Variants in EEA1 observed in about 807,000 individuals in gnomAD.
The protein encoded by EEA1 is early endosome antigen 1.
In EEA1, 111 loss-of-function variants were observed where a neutral mutation model predicts 209.2. The ratio of observed to expected loss-of-function variants is 0.53; its 90% confidence interval spans 0.45 to 0.62. The LOEUF (loss-of-function observed/expected upper bound fraction) is 0.62, where lower values mean the gene tolerates loss of function less well. Among genes scored for constraint, EEA1 ranks in the 20% least tolerant of loss-of-function variants. The pLI is 0.00. For synonymous variants in EEA1, 536 were observed against 540.6 expected (o/e 0.99, Z 0.12); for missense variants, 1,343 against 1,530.8 (o/e 0.88, Z 2.05).
intron 2 of EEA1, among the ~76,000 whole-genome samples, chr12:92,865,794 G>T (rs985294846): frequency 2.6e-5 from 4 of 151,276 alleles, no homozygotes; most frequent in African/African-American, 4.9e-5. Flanking sequence ...CACCCAGGCT[G>T]AAGTGCAATG....
intron 15 of EEA1, among the ~76,000 whole-genome samples, chr12:92,814,695 C>A (rs1875693417): frequency 6.6e-6 from 1 of 152,120 alleles, no homozygotes; most frequent in Non-Finnish European, 1.5e-5. Flanking sequence ...TACAAGGCTA[C>A]AATTGTTGCA....
intron 23 of EEA1, among the ~76,000 whole-genome samples, 176 bp downstream of exon 23, chr12:92,781,774 G>A (rs886269907): frequency 7.9e-5 from 12 of 152,136 alleles, no homozygotes; most frequent in African/African-American, 2.9e-4. Flanking sequence ...AGGCCATTAA[G>A]AAGTACTTCC....
chr12:92,887,582 A>C (rs1879466695), intron 2 of EEA1, among the ~76,000 whole-genome samples: 1 of 152,154 alleles, frequency 6.6e-6, no homozygotes, highest in African/African-American at 2.4e-5. Flanking sequence ...GCTTGAGCCC[A>C]GGAGTTTGAG....
chr12:92,782,311 A>C (rs956337071), intron 22 of EEA1, among the ~76,000 whole-genome samples, 176 bp from the exon 23 acceptor site: 2 of 152,222 alleles, frequency 1.3e-5, no homozygotes, highest in Non-Finnish European at 2.9e-5. Context: ...TCTTGCTTAT[A>C]GAAAACATTT....
intron 1 of EEA1, among the ~76,000 whole-genome samples, chr12:92,896,484 T>C (rs371406157): frequency 6.6e-5 from 10 of 152,302 alleles, no homozygotes; most frequent in African/African-American, 2.4e-4. Context: ...TGAAGGAAGT[T>C]CTACTGTGGG....
intron 9 of EEA1, among the ~76,000 whole-genome samples, chr12:92,849,020 C>A (rs931318313): frequency 6.6e-6 from 1 of 151,980 alleles, no homozygotes; most frequent in African/African-American, 2.4e-5. Context: ...CCATACTCAG[C>A]CTGTATTTTT....
chr12:92,855,377 C>A (rs1379399912), intron 5 of EEA1, among the ~76,000 whole-genome samples: 1 of 151,572 alleles, frequency 6.6e-6, no homozygotes, highest in Non-Finnish European at 1.5e-5. Context: ...TTGCAGTGAG[C>A]CGAGATCGCG....
At chr12:92,824,674 C>T (rs951347979) in intron 13 of EEA1, among the ~76,000 whole-genome samples, 1 of 152,192 alleles carries the variant, frequency 6.6e-6, no homozygotes, top group Non-Finnish European at 1.5e-5. Context: ...TTCAAAGAGG[C>T]CTAACACTGC....
At chr12:92,877,922 T>A (rs1376764217) in intron 2 of EEA1, among the ~76,000 whole-genome samples, 8 of 152,238 alleles carry the variant, frequency 5.3e-5, no homozygotes. Flanking sequence ...TTTTTTCTTT[T>A]CTTGCTGGGA....
rs533660952 is a variant in EEA1 at position 92,813,883 on chromosome 12, T to A, written c.1930-790A>T. On this transcript the variant is annotated intron_variant, in intron 15 of 28. Coordinates refer to ENST00000322349, the MANE Select transcript of EEA1 (RefSeq NM_003566.4). ...CAAAAATTAGCTGGGCATGGTGGCA[T>A]GCACCTGTAGTCACAGCTACTCAGG... Among the ~76,000 whole-genome samples, 14 of 152,070 alleles carry A rather than the reference T, an allele frequency of 9.2e-5. No individual in the cohort carries two copies. In the South Asian group the frequency reaches 1.7e-3, roughly 18 times the overall value.
intron 9 of EEA1, among the ~76,000 whole-genome samples, chr12:92,842,989 C>T (rs2136702154): frequency 6.6e-6 from 1 of 152,232 alleles, no homozygotes; most frequent in South Asian, 2.1e-4. Context: ...CATGTATATA[C>T]AAACATGCAA....
At chr12:92,848,925 A>G (rs1015258185) in intron 9 of EEA1, among the ~76,000 whole-genome samples, 1 of 151,920 alleles carries the variant, frequency 6.6e-6, no homozygotes. Context: ...GGATTTCACC[A>G]TGTTGCCCAG....
chr12:92,832,730 A>G lies in EEA1; in HGVS notation c.1036T>C (p.Cys346Arg), dbSNP rs750684166. ...QATLHQKDLD[C>R]QQLQSRLSAS... is the part of the protein sequence containing the mutation. Reference sequence around the variant, plus strand: ...GACAATCTTGACTGAAGCTGTTGACAATCTAGGTCTTTTTGATGAAGGGTT... The same window carrying G: ...GACAATCTTGACTGAAGCTGTTGACGATCTAGGTCTTTTTGATGAAGGGTT... The change falls in exon 11 of 29, where the codon TGT becomes CGT. Residue 346 changes from cysteine (C) to arginine (R), a missense_variant. Around this residue, in one of 3 missense-constraint regions of EEA1, gnomAD observed 1,307 missense variants for 1,465.5 expected, o/e 0.89. Transcript: ENST00000322349. 2 of 1,614,020 alleles carry G rather than the reference A, an allele frequency of 1.2e-6. No homozygotes were observed. The highest frequency in any genetic ancestry group is 2.2e-5 in the South Asian group (2 of 91,080).
chr12:92,782,050 T>C lies in EEA1; in HGVS notation c.3236A>G (p.Glu1079Gly). 1 of 1,613,058 alleles carries C rather than the reference T, an allele frequency of 6.2e-7. No individual in the cohort carries two copies. Among genetic ancestry groups the C allele is most frequent in the Non-Finnish European group, 8.5e-7 (1 of 1,179,324 alleles). Reference sequence around the variant, plus strand: ...CAATGTAGCCTTGGCAGTCTTCAGTTCTTGAATCAATTTATTTTGATTTCC... The same window carrying C: ...CAATGTAGCCTTGGCAGTCTTCAGTCCTTGAATCAATTTATTTTGATTTCC... Reference protein sequence around the residue: ...QIGNQNKLIQELKTAKATLEQ... With the variant: ...QIGNQNKLIQGLKTAKATLEQ... Residue 1079 changes from glutamate (E) to glycine (G), a missense_variant, in exon 23 of 29, where the codon GAA becomes GGA. Glu to Gly is a moderately conservative substitution (Grantham distance 98). Around this residue, in one of 3 missense-constraint regions of EEA1, gnomAD observed 1,307 missense variants for 1,465.5 expected, o/e 0.89. Coordinates refer to ENST00000322349, the MANE Select transcript of EEA1 (RefSeq NM_003566.4).
At chr12:92,828,619 CAT>C (rs111405083) in intron 11 of EEA1, among the ~76,000 whole-genome samples, 35 of 146,014 alleles carry the variant, frequency 2.4e-4, no homozygotes, top group Admixed American at 4.8e-4. Flanking sequence ...ATATATATAT[CAT>C]ATATATATAT....
intron 1 of EEA1, among the ~76,000 whole-genome samples, chr12:92,910,753 A>G (rs1880552376): frequency 1.3e-5 from 2 of 152,252 alleles, no homozygotes; most frequent in Admixed American, 1.3e-4. Flanking sequence ...ACTATTATCC[A>G]AAATATACAA....
intron 1 of EEA1, among the ~76,000 whole-genome samples, chr12:92,916,098 T>A (rs1054459995): frequency 6.6e-6 from 1 of 152,174 alleles, no homozygotes; most frequent in Admixed American, 6.5e-5. Context: ...ATAAAAGTTT[T>A]AAAAATACCC....
intron 2 of EEA1, 67 bp downstream of exon 2, chr12:92,891,562 G>T: frequency 8.1e-7 from 1 of 1,228,658 alleles, no homozygotes; most frequent in Non-Finnish European, 1.1e-6. Context: ...ATCACCAATC[G>T]TTACACCAAA....
At chr12:92,878,784 A>C (rs1879019160) in intron 2 of EEA1, among the ~76,000 whole-genome samples, 1 of 152,228 alleles carries the variant, frequency 6.6e-6, no homozygotes, top group Admixed American at 6.5e-5. Flanking sequence ...AAAATATTTT[A>C]TCTCTTACCA....
Sources: allele counts gnomAD v4.1 joint callset (sites outside exome capture counted in the v4.1 genomes callset), GRCh38; gene constraint gnomAD v4.1.1; regional missense constraint gnomAD v4.1.1; transcripts MANE v1.5; gene names NCBI Gene and HGNC (gene_info 2026-07-23, HGNC 2026-07-21).